BCCIP: variants seen among roughly 807,000 people sequenced by gnomAD.
BCCIP encodes BRCA2 and CDKN1A interacting protein.
Under a neutral mutation model 32.8 loss-of-function variants are expected in BCCIP, and 23 were observed. That is an observed-to-expected ratio of 0.70 (90% CI 0.51 to 0.99). The LOEUF is 0.99. Ranked by LOEUF, BCCIP falls within the 50% of genes least tolerant of loss-of-function variation. The pLI is 0.00. For synonymous variants in BCCIP, 144 were observed against 137.6 expected (o/e 1.05, Z -0.33); for missense variants, 378 against 379.8 (o/e 1.00, Z 0.04).
At chr10:125,835,500 A>T (rs1286659201) in intron 6 of BCCIP, among the ~76,000 whole-genome samples, 5 of 150,716 alleles carry the variant, frequency 3.3e-5, no homozygotes, top group Middle Eastern at 3.5e-3. Flanking sequence ...AATGGTGTGA[A>T]CCCGGGAGGC....
At chr10:125,836,764 G>C, downstream of BCCIP, 1 of 1,614,030 alleles carries the variant, frequency 6.2e-7, no homozygotes, top group East Asian at 2.2e-5. Context: ...GTTGACACAG[G>C]GGATAGGTGA....
At chr10:125,834,834 AAC>A (rs574913331) in intron 6 of BCCIP, among the ~76,000 whole-genome samples, 1 of 148,216 alleles carries the variant, frequency 6.7e-6, no homozygotes, top group South Asian at 2.2e-4. Flanking sequence ...ACAAACAAAA[AAC>A]ACAAAAACAT....
exon 7 of BCCIP, chr10:125,841,558 T>C (rs1477809811): frequency 1.4e-6 from 2 of 1,430,010 alleles, no homozygotes; most frequent in African/African-American, 2.9e-5. Flanking sequence ...AAGATAATTT[T>C]TCATATTAAG....
downstream of BCCIP, chr10:125,836,698 T>C (rs758741108): frequency 6.2e-7 from 1 of 1,614,012 alleles, no homozygotes; most frequent in Non-Finnish European, 8.5e-7. Flanking sequence ...CACTGGAGAG[T>C]GCATCTCTGT....
rs1429897397 is a variant in BCCIP, at chr10:125,836,136, G to A, written c.807G>A (p.Gln269=). The A allele has an allele frequency of 2.5e-6, 4 of 1,614,024 alleles. No individual in the cohort carries two copies. Among genetic ancestry groups the A allele is most frequent in the Non-Finnish European group, 3.4e-6 (4 of 1,179,944 alleles). ...TTCTCAAGTTCAACTACTCAGTGCA[G>A]GAGGAGAGCGACACTTGTCTGGGAG... ...KAILKFNYSV[Q]EESDTCLGGK... The change falls in exon 7 of 7, where the codon CAG becomes CAA. Residue 269 remains glutamine, a synonymous_variant. Transcript: ENST00000278100.
chr10:125,836,635 C>T, downstream of BCCIP: 1 of 1,586,416 alleles, frequency 6.3e-7, no homozygotes, highest in Non-Finnish European at 8.6e-7. Flanking sequence ...TCCAGCAGTT[C>T]AGCCATCCAG....
In BCCIP at chr10:125,833,762, T is replaced by C. The variant is rs777129699; in HGVS notation, c.600-10T>C. ...AGCAGGTAAACAAATGTTGTGTGTG[T>C]GCCTTGCAGGAAAGAACTGGCGGGG... On this transcript the variant is annotated splice_polypyrimidine_tract_variant and intron_variant, in intron 5 of 6. Coordinates refer to ENST00000278100, the MANE Select transcript of BCCIP (RefSeq NM_078468.3). 5.0e-6 allele frequency: 8 copies of C among 1,613,250 alleles called. No individual in the cohort carries two copies. The highest frequency in any genetic ancestry group is 4.2e-6 in the Non-Finnish European group (5 of 1,179,788).
chr10:125,841,550 GATA>G (rs760541218), downstream of BCCIP: 128 of 1,426,034 alleles, frequency 9.0e-5, no homozygotes, highest in Middle Eastern at 2.5e-4. Flanking sequence ...GTTTTCTTAA[GATA>G]ATTTTTCATA....
At chr10:125,837,066 G>C (rs1854714553), downstream of BCCIP, among the ~76,000 whole-genome samples, 1 of 152,164 alleles carries the variant, frequency 6.6e-6, no homozygotes, top group Non-Finnish European at 1.5e-5. Context: ...GAATAAGTTG[G>C]CCTCTCTAGT....
At chr10:125,827,503 G>A in intron 2 of BCCIP, 55 bp from the exon 3 acceptor site, 1 of 1,216,922 alleles carries the variant, frequency 8.2e-7, no homozygotes, top group Non-Finnish European at 1.2e-6. Context: ...AGGATTTGAA[G>A]TTATTAGAAA....
At chr10:125,845,901 C>T (rs891790964), downstream of BCCIP, among the ~76,000 whole-genome samples, 1 of 152,170 alleles carries the variant, frequency 6.6e-6, no homozygotes, top group Non-Finnish European at 1.5e-5. Context: ...TGCTCCTGCC[C>T]GTGACATGGA....
intron 6 of BCCIP, 61 bp from the exon 7 acceptor site, chr10:125,836,043 C>T (rs4075326): frequency 0.46 from 650,380 of 1,426,972 alleles, 151,028 homozygotes; most frequent in African/African-American, 0.56. Flanking sequence ...TGCCGTAGAT[C>T]AAATGGGTTT....
At chr10:125,845,076 C>A (rs1435316173), downstream of BCCIP, among the ~76,000 whole-genome samples, 3 of 152,206 alleles carry the variant, frequency 2.0e-5, no homozygotes, top group African/African-American at 7.2e-5. Flanking sequence ...TAAACTGCAA[C>A]CAGCAGAGGA....
intron 7 of BCCIP, among the ~76,000 whole-genome samples, chr10:125,848,215 G>A (rs1452838655): frequency 1.3e-5 from 2 of 152,088 alleles, no homozygotes; most frequent in Non-Finnish European, 2.9e-5. Flanking sequence ...ACAATGTCTA[G>A]GGCCTCTGGG....
chr10:125,849,329 C>T (rs904556993), intron 7 of BCCIP, among the ~76,000 whole-genome samples: 1 of 152,192 alleles, frequency 6.6e-6, no homozygotes, highest in Non-Finnish European at 1.5e-5. Context: ...TAAAGGGCTT[C>T]AGGAGCCAAA....
chr10:125,841,108 C>T (rs1854865525), downstream of BCCIP: 1 of 1,385,534 alleles, frequency 7.2e-7, no homozygotes, highest in Non-Finnish European at 9.9e-7. Context: ...TGTCTTGGTA[C>T]TCTGAATAAA....
In BCCIP at chr10:125,827,926, C is replaced by T. The variant is rs557581012; in HGVS notation, c.321+288C>T. Among the ~76,000 whole-genome samples the T allele has an allele frequency of 4.5e-4, 66 of 147,572 alleles. No homozygotes were observed. In the South Asian group the frequency reaches 4.7e-3, roughly 11 times the overall value. ...TTGAAGGCCATGGTGAGCTTTGTGCCGCTGCACTCTAGCCGGGCAACACAG... is the reference window on the plus strand; with the variant it reads ...TTGAAGGCCATGGTGAGCTTTGTGCTGCTGCACTCTAGCCGGGCAACACAG... On this transcript the variant is annotated intron_variant, in intron 3 of 6. Coordinates refer to ENST00000278100, the MANE Select transcript of BCCIP (RefSeq NM_078468.3).
chr10:125,837,659 A>G (rs1020235355), downstream of BCCIP, among the ~76,000 whole-genome samples: 3 of 152,160 alleles, frequency 2.0e-5, no homozygotes, highest in African/African-American at 7.2e-5. Flanking sequence ...TCTTGGGCTC[A>G]AGCCATCTTC....
exon 7 of BCCIP, chr10:125,842,061 A>G: frequency 2.5e-6 from 3 of 1,218,434 alleles, no homozygotes; most frequent in South Asian, 3.7e-5. Context: ...AACGGTTTGC[A>G]AGCCACCAAA....
Sources: gnomAD v4.1 joint callset for allele counts (sites outside exome capture counted in the v4.1 genomes callset) on GRCh38, gnomAD v4.1.1 for gene constraint, MANE v1.5 for transcripts, NCBI Gene and HGNC (gene_info 2026-07-23, HGNC 2026-07-21) for gene names.